VSTM2B: variants seen among roughly 807,000 people sequenced by gnomAD.
VSTM2B encodes V-set and transmembrane domain containing 2B.
VSTM2B carries 24 observed loss-of-function variants against 24.0 expected under a neutral mutation model. The observed-to-expected ratio is 1.00, with a 90% confidence interval of 0.72 to 1.40. The LOEUF is 1.40. Ranked by LOEUF, VSTM2B falls within the 40% of genes most tolerant of loss-of-function variation. VSTM2B has a pLI of 0.00. For missense variants in VSTM2B, 399 were observed against 416.4 expected, an observed-to-expected ratio of 0.96 and a Z score of 0.36; for synonymous variants, 226 against 194.4, an observed-to-expected ratio of 1.16 and a Z score of -1.35.
rs143743340 is a variant in VSTM2B, at chr19:29,533,676, C to G, written c.769+3386C>G. On this transcript the variant is annotated intron_variant, in intron 4 of 4. Coordinates refer to ENST00000335523, the MANE Select transcript of VSTM2B (RefSeq NM_001146339.2). ...GGGAACCATGCTCAGTCTTGTGTCC[C>G]ACCTCACCCCGGTCACCCAAGGCCA... Among the ~76,000 whole-genome samples, 561 of 152,358 alleles carry G rather than the reference C, an allele frequency of 3.7e-3. 2 individuals carry two copies. Among genetic ancestry groups the G allele is most frequent in the Middle Eastern group, 0.02 (6 of 294 alleles).
At chr19:29,541,908 C>T (rs551276237) in intron 4 of VSTM2B, among the ~76,000 whole-genome samples, 10 of 134,298 alleles carry the variant, frequency 7.4e-5, no homozygotes, top group East Asian at 7.1e-4. Flanking sequence ...GACGAGTGGA[C>T]GGGTAGATGG....
chr19:29,551,559 T>G (rs1393861835), intron 4 of VSTM2B, among the ~76,000 whole-genome samples: 1 of 152,138 alleles, frequency 6.6e-6, no homozygotes, highest in Non-Finnish European at 1.5e-5. Flanking sequence ...ATCTGAATGA[T>G]AAAAATTAAT....
chr19:29,558,670 T>C (rs1367488015), intron 4 of VSTM2B, among the ~76,000 whole-genome samples: 3 of 152,054 alleles, frequency 2.0e-5, no homozygotes, highest in African/African-American at 7.2e-5. Flanking sequence ...TGAGAACACA[T>C]GAACACAGGG....
intron 2 of VSTM2B, 146 bp downstream of exon 2, chr19:29,527,541 C>T: frequency 1.5e-6 from 1 of 688,594 alleles, no homozygotes; most frequent in East Asian, 3.2e-5. Context: ...CATCCCAAAG[C>T]ATCTTCAAAG....
At chr19:29,529,731 C>G in intron 3 of VSTM2B, 88 bp from the exon 4 acceptor site, 1 of 1,298,702 alleles carries the variant, frequency 7.7e-7, no homozygotes, top group Non-Finnish European at 1.1e-6. Context: ...TGTTGGGGTG[C>G]GCGGATGAGG....
intron 4 of VSTM2B, among the ~76,000 whole-genome samples, chr19:29,532,292 GC>G (rs1483596002): frequency 6.6e-6 from 1 of 152,188 alleles, no homozygotes; most frequent in Non-Finnish European, 1.5e-5. Context: ...TGGATGTAGG[GC>G]CCGCTGGGAA....
At chr19:29,539,323 T>C (rs895199710) in intron 4 of VSTM2B, among the ~76,000 whole-genome samples, 3 of 152,076 alleles carry the variant, frequency 2.0e-5, no homozygotes, top group African/African-American at 7.2e-5. Context: ...CACTGTGATG[T>C]GAGGGGGTAG....
At chr19:29,529,405 C>G (rs1037124494) in intron 3 of VSTM2B, among the ~76,000 whole-genome samples, 18 of 152,120 alleles carry the variant, frequency 1.2e-4, no homozygotes, top group Non-Finnish European at 2.2e-4. Flanking sequence ...GGTTGGAGCG[C>G]GTCGGGGCGG....
chr19:29,534,917 G>A (rs1248377364), intron 4 of VSTM2B, among the ~76,000 whole-genome samples: 2 of 152,068 alleles, frequency 1.3e-5, no homozygotes, highest in African/African-American at 2.4e-5. Flanking sequence ...AAGGAGAGAG[G>A]GGGGACTTCC....
chr19:29,553,673 T>C (rs971237889), intron 4 of VSTM2B, among the ~76,000 whole-genome samples: 4 of 152,000 alleles, frequency 2.6e-5, no homozygotes, highest in African/African-American at 9.7e-5. Flanking sequence ...CTAAGAGACA[T>C]GAGAAAACAT....
chr19:29,562,287 G>A (rs1434397307), intron 4 of VSTM2B, among the ~76,000 whole-genome samples: 1 of 152,210 alleles, frequency 6.6e-6, no homozygotes, highest in Admixed American at 6.5e-5. Flanking sequence ...TAAGGAGCAG[G>A]AGACGCCTTG....
At position 29,537,116 on chromosome 19, in the gene VSTM2B, G is replaced by A. The variant is rs149187620; in HGVS notation, c.769+6826G>A. Among the ~76,000 whole-genome samples the A allele has an allele frequency of 4.8e-3, 730 of 152,254 alleles. 12 individuals carry two copies. Among genetic ancestry groups the A allele is most frequent in the African/African-American group, 0.017 (695 of 41,544 alleles). On this transcript the variant is annotated intron_variant, in intron 4 of 4. Transcript: ENST00000335523. ...GAAGGCTTCACTTTGCCTTACATAAGGGCTGCAGGGAAGTTTGAGATGGGA... is the reference window on the plus strand; with the variant it reads ...GAAGGCTTCACTTTGCCTTACATAAAGGCTGCAGGGAAGTTTGAGATGGGA...
intron 3 of VSTM2B, chr19:29,529,230 C>T (rs953833231): frequency 7.5e-6 from 5 of 664,340 alleles, no homozygotes; most frequent in Non-Finnish European, 3.7e-6. Context: ...TAGCAGGTGG[C>T]CAGGGAGCCA....
At chr19:29,543,575 A>C (rs1264789670) in intron 4 of VSTM2B, among the ~76,000 whole-genome samples, 1 of 152,226 alleles carries the variant, frequency 6.6e-6, no homozygotes, top group Non-Finnish European at 1.5e-5. Context: ...CTGCCCTTGC[A>C]TGGCCAGGCC....
intron 4 of VSTM2B, among the ~76,000 whole-genome samples, chr19:29,540,836 T>C (rs1288454926): frequency 6.6e-6 from 1 of 152,172 alleles, no homozygotes; most frequent in Non-Finnish European, 1.5e-5. Context: ...TGGCTGGTAC[T>C]CTAAAGGAGA....
intron 4 of VSTM2B, among the ~76,000 whole-genome samples, chr19:29,560,658 C>G (rs1417033760): frequency 6.6e-6 from 1 of 152,226 alleles, no homozygotes; most frequent in Non-Finnish European, 1.5e-5. Context: ...CTGTAGCCCC[C>G]ACCCTGGCCC....
At chr19:29,558,757 T>C (rs1220754484) in intron 4 of VSTM2B, among the ~76,000 whole-genome samples, 1 of 152,158 alleles carries the variant, frequency 6.6e-6, no homozygotes, top group Non-Finnish European at 1.5e-5. Context: ...CTAATGCATA[T>C]GGGGCTTAAT....
At chr19:29,527,496 C>A in intron 2 of VSTM2B, 101 bp downstream of exon 2, 1 of 1,114,670 alleles carries the variant, frequency 9.0e-7, no homozygotes, top group South Asian at 1.9e-5. Context: ...TCGCGCAGGG[C>A]GCCGCCCTGT....
chr19:29,557,820 C>A (rs1216324259), intron 4 of VSTM2B, among the ~76,000 whole-genome samples: 4 of 151,958 alleles, frequency 2.6e-5, no homozygotes, highest in Non-Finnish European at 5.9e-5. Flanking sequence ...GTGTCAAAAG[C>A]AATTGCAACA....
Sources: gnomAD v4.1 joint callset for allele counts (sites outside exome capture counted in the v4.1 genomes callset) on GRCh38, gnomAD v4.1.1 for gene constraint, MANE v1.5 for transcripts, NCBI Gene and HGNC (gene_info 2026-07-23, HGNC 2026-07-21) for gene names.